The following FGFR1 variants were observed in gnomAD, a reference collection of about 807,000 sequenced individuals.
The protein encoded by FGFR1 is FGFR1/PLAG1 fusion.
In FGFR1, 18 loss-of-function variants were observed where a neutral mutation model predicts 93.7. The ratio of observed to expected loss-of-function variants is 0.19; its 90% CI spans 0.13 to 0.28. The LOEUF (loss-of-function observed/expected upper bound fraction) is 0.28, where lower values mean the gene tolerates loss of function less well. FGFR1 is among the 10% of genes least tolerant of loss of function. The pLI is 1.00. For synonymous variants in FGFR1, 448 were observed against 429.3 expected, an observed-to-expected ratio of 1.04 and a Z score of -0.54; for missense variants, 731 against 1,080.4, an observed-to-expected ratio of 0.68 and a Z score of 4.53.
intron 2 of FGFR1, among the ~76,000 whole-genome samples, chr8:38,439,746 C>T (rs1826726094): frequency 6.6e-6 from 1 of 152,198 alleles, no homozygotes; most frequent in South Asian, 2.1e-4. Flanking sequence ...AAGCAATCAT[C>T]TCCATCACTT....
At chr8:38,450,724 A>T (rs1830788904) in intron 2 of FGFR1, among the ~76,000 whole-genome samples, 1 of 152,178 alleles carries the variant, frequency 6.6e-6, no homozygotes, top group African/African-American at 2.4e-5. Flanking sequence ...ACTGGCAGCA[A>T]GATCTCTGGA....
chr8:38,462,949 G>C (rs554832740), intron 1 of FGFR1, among the ~76,000 whole-genome samples: 2 of 144,276 alleles, frequency 1.4e-5, no homozygotes, highest in East Asian at 4.1e-4. Context: ...CTGTCCCCCA[G>C]GCTGGAATGC....
Position 38,421,537 on chromosome 8 carries a change from G to A in FGFR1, c.1081+260C>T, listed in dbSNP as rs893121684. On this transcript the variant is annotated intron_variant, in intron 8 of 17. Coordinates refer to ENST00000447712, the MANE Select transcript of FGFR1 (RefSeq NM_023110.3). ...GGCTGCAGGGTAAACCCAGATCCCG[G>A]GCATGCATTGCAATGGCCAGGGGGA... is the stretch of plus-strand genomic sequence containing the variant. The A allele has an allele frequency of 7.1e-5, 39 of 548,626 alleles. 1 individual carries two copies. Among genetic ancestry groups the A allele is most frequent in the Non-Finnish European group, 1.6e-5 (5 of 303,728 alleles). The allele number at this position is 548,626 out of a possible 1,614,324, so 34.0% of individuals were successfully genotyped here. A position where few individuals can be genotyped will look rare whatever the true frequency, so the allele number is the denominator to read the frequency against.
intron 2 of FGFR1, among the ~76,000 whole-genome samples, chr8:38,456,235 C>T (rs982894139): frequency 2.0e-5 from 3 of 152,188 alleles, no homozygotes; most frequent in African/African-American, 4.8e-5. Context: ...GCCACTGAGT[C>T]ACGAACCACA....
At chr8:38,455,694 GT>G (rs1832641690) in intron 2 of FGFR1, among the ~76,000 whole-genome samples, 1 of 152,116 alleles carries the variant, frequency 6.6e-6, no homozygotes, top group Non-Finnish European at 1.5e-5. Context: ...CAGGCAAACC[GT>G]TCTCCATAAA....
intron 13 of FGFR1, 119 bp from the exon 14 acceptor site, chr8:38,415,020 G>A: frequency 1.3e-6 from 1 of 766,916 alleles, no homozygotes; most frequent in Non-Finnish European, 2.2e-6. Flanking sequence ...ACACTGCTCT[G>A]CCCCCCGAAC....
chr8:38,424,790 A>G lies in FGFR1; in HGVS notation c.746-91T>C. The G allele has an allele frequency of 7.2e-7, 1 of 1,386,060 alleles. No individual in the cohort carries two copies. The highest frequency in any genetic ancestry group is 1.0e-6 in the Non-Finnish European group (1 of 1,003,936). The allele number at this position is 1,386,060 out of a possible 1,614,324, so 85.9% of individuals were successfully genotyped here. ...CACCTGCGCCCCACTTGGCTTTCCC[A>G]GTGATGGGTTGTAAACCTCCCAGCA... On this transcript the variant is annotated intron_variant, in intron 6 of 17. Coordinates refer to ENST00000447712, the MANE Select transcript of FGFR1 (RefSeq NM_023110.3). This position sits in a 1 kb window ranked among gnomAD's most constrained non-coding sequence, Gnocchi z 4.3.
intron 2 of FGFR1, among the ~76,000 whole-genome samples, chr8:38,438,343 A>G (rs1455398653): frequency 6.6e-6 from 1 of 152,078 alleles, no homozygotes; most frequent in Non-Finnish European, 1.5e-5. Flanking sequence ...GGAGTTTGAG[A>G]CCAGCCTGGC....
intron 2 of FGFR1, among the ~76,000 whole-genome samples, chr8:38,445,217 T>C (rs1050797282): frequency 6.6e-6 from 1 of 152,148 alleles, no homozygotes; most frequent in Non-Finnish European, 1.5e-5. Flanking sequence ...TGTCCTTGAG[T>C]TGTCCTTCAG....
chr8:38,453,221 C>G (rs1421165019), intron 2 of FGFR1, among the ~76,000 whole-genome samples: 1 of 152,128 alleles, frequency 6.6e-6, no homozygotes, highest in Non-Finnish European at 1.5e-5. Flanking sequence ...AAACAGAGAC[C>G]TGGGGCTTGT....
intron 1 of FGFR1, among the ~76,000 whole-genome samples, chr8:38,466,987 C>T (rs1157600855): frequency 6.6e-6 from 1 of 151,256 alleles, no homozygotes; most frequent in Non-Finnish European, 1.5e-5. Context: ...CCATAAAATT[C>T]CTCCGCAAAC....
Position 38,457,674 on chromosome 8 carries a change from T to C in FGFR1, c.-88-140A>G, listed in dbSNP as rs1586750358. The C allele has an allele frequency of 3.9e-6, 3 of 769,678 alleles. No individual in the cohort carries two copies. In the East Asian group the frequency reaches 8.1e-5, roughly 21 times the overall value. The allele number at this position is 769,678 out of a possible 1,614,324, so 47.7% of individuals were successfully genotyped here. Reference sequence around the variant, plus strand: ...GGCGTCCAGAAGAAAATTGTGAAGCTACCCCAACAATGAATTAGATCATAG... The same window carrying C: ...GGCGTCCAGAAGAAAATTGTGAAGCCACCCCAACAATGAATTAGATCATAG... On this transcript the variant is annotated intron_variant, in intron 1 of 17. Coordinates refer to ENST00000447712, the MANE Select transcript of FGFR1 (RefSeq NM_023110.3).
At chr8:38,448,776 G>A (rs1001372362) in intron 2 of FGFR1, among the ~76,000 whole-genome samples, 1 of 152,068 alleles carries the variant, frequency 6.6e-6, no homozygotes, top group African/African-American at 2.4e-5. Flanking sequence ...CCAACATGGC[G>A]AAAACCTGTC....
intron 12 of FGFR1, among the ~76,000 whole-genome samples, chr8:38,416,769 A>G (rs1816818308): frequency 6.8e-6 from 1 of 146,768 alleles, no homozygotes; most frequent in South Asian, 2.2e-4. Flanking sequence ...TATTTATTTT[A>G]TTTTTGAGAC....
rs2150706345 is a variant in FGFR1 at position 38,419,572 on chromosome 8, G to A, written c.1245C>T (p.His415=). 6.2e-7 allele frequency: 1 copy of A among 1,614,136 alleles called. No individual in the cohort carries two copies. The highest frequency in any genetic ancestry group is 8.5e-7 in the Non-Finnish European group (1 of 1,180,026). The change falls in exon 9 of 18, where the codon CAC becomes CAT. Residue 415 remains histidine (H), a synonymous_variant. Transcript: ENST00000447712. ...KSDFHSQMAV[H]KLAKSIPLRR... is the part of the protein sequence containing the mutation. ...GCAGAGGGATGCTCTTGGCCAGCTTGTGCACAGCCATCTGGCTGTGGAAGT... is the reference window on the plus strand; with the variant it reads ...GCAGAGGGATGCTCTTGGCCAGCTTATGCACAGCCATCTGGCTGTGGAAGT...
At chr8:38,441,496 T>C (rs1439744978) in intron 2 of FGFR1, among the ~76,000 whole-genome samples, 1 of 152,194 alleles carries the variant, frequency 6.6e-6, no homozygotes, top group East Asian at 1.9e-4. Flanking sequence ...TGTTTACTGA[T>C]ACATTAAGGA....
At chr8:38,438,749 G>A (rs907648555) in intron 2 of FGFR1, among the ~76,000 whole-genome samples, 2 of 152,068 alleles carry the variant, frequency 1.3e-5, no homozygotes, top group African/African-American at 2.4e-5. Context: ...AATCTTCACA[G>A]TGTCTTGACT....
Position 38,426,639 on chromosome 8 carries a change from G to C in FGFR1, c.622-394C>G, listed in dbSNP as rs1364754598. On this transcript the variant is annotated intron_variant, in intron 5 of 17. Transcript: ENST00000447712. The surrounding 1 kb of genome is among the most constrained non-coding windows in gnomAD (Gnocchi z 4.1). ...TCTCCTCCAGTCCAGTCTCTGGTCAGAACTGTGCTCACCCTTTCCTCTCTG... is the reference window on the plus strand; with the variant it reads ...TCTCCTCCAGTCCAGTCTCTGGTCACAACTGTGCTCACCCTTTCCTCTCTG... Among the ~76,000 whole-genome samples the C allele has an allele frequency of 1.3e-5, 2 of 152,328 alleles. No homozygotes were observed. Among genetic ancestry groups the C allele is most frequent in the East Asian group, 3.9e-4 (2 of 5,188 alleles).
In FGFR1 at chr8:38,414,097, G is replaced by A. The variant is rs549941216; in HGVS notation, c.2186+55C>T. The A allele has an allele frequency of 1.2e-4, 200 of 1,614,050 alleles. 1 individual carries two copies. In the South Asian group the frequency reaches 1.8e-3, roughly 15 times the overall value. On this transcript the variant is annotated intron_variant, in intron 16 of 17. Transcript: ENST00000447712. Reference sequence around the variant, plus strand: ...TCTAGTCTAGCCCCCTGCCCCTCAAGCCCACTCTTGCCCCAAGGCCTGGCT... The same window carrying A: ...TCTAGTCTAGCCCCCTGCCCCTCAAACCCACTCTTGCCCCAAGGCCTGGCT...
Sources: gnomAD v4.1 joint callset for allele counts (sites outside exome capture counted in the v4.1 genomes callset) on GRCh38, gnomAD v4.1.1 for gene constraint, Gnocchi (gnomAD v3.1) non-coding constraint, MANE v1.5 for transcripts, NCBI Gene and HGNC (gene_info 2026-07-23, HGNC 2026-07-21) for gene names.